Variants in PCDHA4 observed in about 807,000 individuals in gnomAD.
PCDHA4 encodes protocadherin alpha-4.
PCDHA4 carries 49 observed loss-of-function variants against 61.4 expected under a neutral mutation model. The observed-to-expected ratio is 0.80, with a 90% CI of 0.63 to 1.01. The LOEUF (loss-of-function observed/expected upper bound fraction) is 1.01, where lower values mean the gene tolerates loss of function less well. PCDHA4 is among the 50% of genes least tolerant of loss of function. The pLI is 0.00. For missense variants in PCDHA4, 1,254 were observed against 1,235.8 expected (o/e 1.01, Z -0.22); for synonymous variants, 590 against 550.3 (o/e 1.07, Z -1.01).
intron 1 of PCDHA4, among the ~76,000 whole-genome samples, chr5:140,941,231 C>CTTTCTTTCTTTCTT (rs1563186950): frequency 5.1e-5 from 7 of 136,876 alleles, no homozygotes; most frequent in East Asian, 2.1e-4. Context: ...TTCTTTCTTT[C>CTTTCTTTCTTTCTT]TTTCTTTCTT....
intron 1 of PCDHA4, chr5:140,836,726 C>A (rs1326875671): frequency 1.9e-6 from 3 of 1,610,534 alleles, no homozygotes; most frequent in Non-Finnish European, 2.5e-6. Context: ...AGGGTCCATC[C>A]TCTACAGACA....
chr5:140,852,598 AT>A, intron 1 of PCDHA4: 1 of 898,436 alleles, frequency 1.1e-6, no homozygotes, highest in Non-Finnish European at 1.3e-6. Context: ...TTTTTTTGTC[AT>A]TTTCTTTCAA....
intron 1 of PCDHA4, chr5:140,870,429 G>T (rs1198109995): frequency 6.2e-7 from 1 of 1,614,238 alleles, no homozygotes; most frequent in African/African-American, 1.3e-5. Flanking sequence ...GGGTATCCGT[G>T]GAGGTGGCCG....
At chr5:140,843,154 G>T in intron 1 of PCDHA4, 3 of 1,596,128 alleles carry the variant, frequency 1.9e-6, no homozygotes, top group Non-Finnish European at 2.6e-6. Context: ...CGTATGAGCT[G>T]CAGCCAGCTG....
intron 1 of PCDHA4, among the ~76,000 whole-genome samples, chr5:140,933,690 T>A (rs1382967033): frequency 1.3e-5 from 2 of 152,048 alleles, no homozygotes; most frequent in Non-Finnish European, 2.9e-5. Flanking sequence ...TTTTTCCTAT[T>A]CCTCGGACAC....
chr5:140,978,845 T>C, intron 1 of PCDHA4, 104 bp from the exon 2 acceptor site: 7 of 1,569,708 alleles, frequency 4.5e-6, no homozygotes, highest in Non-Finnish European at 6.1e-6. Flanking sequence ...AATACTTTTT[T>C]AGATGCCTGG....
chr5:140,854,108 AC>A lies in PCDHA4; in HGVS notation c.2385+44537del, dbSNP rs1233972098. The A allele has an allele frequency of 1.0e-4, 31 of 299,428 alleles. 3 individuals are homozygous for A. Among genetic ancestry groups the A allele is most frequent in the Non-Finnish European group, 1.4e-4 (30 of 208,480 alleles). The allele number at this position is 299,428 out of a possible 1,614,324, so 18.5% of individuals were successfully genotyped here. A position where few individuals can be genotyped will look rare whatever the true frequency, so the allele number is the denominator to read the frequency against. On this transcript the variant is annotated intron_variant, in intron 1 of 3. Transcript: ENST00000530339. ...GCCTGGGACATTGAGGCTGCAGTGA[AC>A]TGTGATGGCACAACTGCATTTCAGC...
rs139165612 is a variant in PCDHA4 at position 140,875,715 on chromosome 5, T to C, written c.2385+66143T>C. On this transcript the variant is annotated intron_variant, in intron 1 of 3. Coordinates refer to ENST00000530339, the MANE Select transcript of PCDHA4 (RefSeq NM_018907.4). Reference sequence around the variant, plus strand: ...ACCTTCTGGAGGTAAATCTGCAGAATGGCATTTTGTTTGTGAATTCTCGGA... The same window carrying C: ...ACCTTCTGGAGGTAAATCTGCAGAACGGCATTTTGTTTGTGAATTCTCGGA... 205 of 1,614,134 alleles carry C rather than the reference T, an allele frequency of 1.3e-4. 1 individual carries two copies. The African/African-American group carries it at 2.2e-3, about 17-fold the overall frequency.
intron 1 of PCDHA4, among the ~76,000 whole-genome samples, chr5:140,902,579 A>G (rs2069572489): frequency 6.6e-6 from 1 of 152,078 alleles, no homozygotes. Flanking sequence ...TAAGATTTCA[A>G]TAGTTTTGGG....
chr5:140,916,819 C>T (rs2077741305), intron 1 of PCDHA4, among the ~76,000 whole-genome samples: 1 of 152,084 alleles, frequency 6.6e-6, no homozygotes, highest in Non-Finnish European at 1.5e-5. Context: ...CATGTGCCAC[C>T]CCTATCCCTC....
rs181578390 is a variant in PCDHA4, at chr5:140,923,666, G to A, written c.2386-55283G>A. Among the ~76,000 whole-genome samples, 434 of 152,230 alleles carry A rather than the reference G, an allele frequency of 2.9e-3. 2 individuals are homozygous for A. Among genetic ancestry groups the A allele is most frequent in the Middle Eastern group, 0.014 (4 of 294 alleles). On this transcript the variant is annotated intron_variant, in intron 1 of 3. Coordinates refer to ENST00000530339, the MANE Select transcript of PCDHA4 (RefSeq NM_018907.4). ...TAGCCTCCCTTATCTTTGGGATATC[G>A]TTCTCTCTTAAATGTTGCTTTCTCA...
At position 140,851,173 on chromosome 5, in the gene PCDHA4, A is replaced by C. The variant is rs1392883501; in HGVS notation, c.2385+41601A>C. Reference sequence around the variant, plus strand: ...ATTTCTGATGCTATGCTGCCATAACACTTGAAAACCAATTTAGTTGTTAGT... The same window carrying C: ...ATTTCTGATGCTATGCTGCCATAACCCTTGAAAACCAATTTAGTTGTTAGT... On this transcript the variant is annotated intron_variant, in intron 1 of 3. Coordinates refer to ENST00000530339, the MANE Select transcript of PCDHA4 (RefSeq NM_018907.4). The C allele has an allele frequency of 5.1e-5, 64 of 1,267,254 alleles. 8 individuals carry two copies. The highest frequency in any genetic ancestry group is 6.0e-5 in the Non-Finnish European group (59 of 985,446). 78.5% of individuals were successfully genotyped at this position (1,267,254 alleles called of 1,614,324 possible).
rs1478499072 is a variant in PCDHA4 at position 140,882,356 on chromosome 5, C to T, written c.2385+72784C>T. 4 of 1,614,070 alleles carry T rather than the reference C, an allele frequency of 2.5e-6. No individual in the cohort carries two copies. The Admixed American group carries it at 5.0e-5, about 20-fold the overall frequency. On this transcript the variant is annotated intron_variant, in intron 1 of 3. Coordinates refer to ENST00000530339, the MANE Select transcript of PCDHA4 (RefSeq NM_018907.4). ...CGCAGCCTGGGAGACGGGTAGTGGC[C>T]AGCTCCACTACTCCGTCCCCGAGGA... is the stretch of plus-strand genomic sequence containing the variant.
At chr5:141,003,324 C>T (rs909788744) in intron 3 of PCDHA4, among the ~76,000 whole-genome samples, 4 of 152,132 alleles carry the variant, frequency 2.6e-5, no homozygotes, top group African/African-American at 9.7e-5. Flanking sequence ...TTCCAGAGGG[C>T]AGGGTTTTTT....
chr5:140,964,596 G>A (rs1368654948), intron 1 of PCDHA4, among the ~76,000 whole-genome samples: 2 of 152,104 alleles, frequency 1.3e-5, no homozygotes, highest in African/African-American at 4.8e-5. Flanking sequence ...CACTTTTCAT[G>A]ACAACTTACA....
intron 1 of PCDHA4, chr5:140,875,283 CAG>C: frequency 7.3e-7 from 1 of 1,362,464 alleles, no homozygotes; most frequent in Non-Finnish European, 9.6e-7. Flanking sequence ...GAAGGTGAAA[CAG>C]GAAAATTTTT....
chr5:140,946,199 A>G (rs1300104764), intron 1 of PCDHA4, among the ~76,000 whole-genome samples: 10 of 151,964 alleles, frequency 6.6e-5, no homozygotes, highest in Admixed American at 5.2e-4. Context: ...CTCAAAAGAA[A>G]GCACACAAAT....
chr5:140,840,505 T>G (rs1776737088), intron 1 of PCDHA4, among the ~76,000 whole-genome samples: 1 of 152,026 alleles, frequency 6.6e-6, no homozygotes, highest in African/African-American at 2.4e-5. Flanking sequence ...AATACTCACT[T>G]TTTGGAGCAG....
At chr5:140,908,049 G>A (rs563362239) in intron 1 of PCDHA4, among the ~76,000 whole-genome samples, 19 of 152,210 alleles carry the variant, frequency 1.2e-4, no homozygotes, top group Admixed American at 1.0e-3. Flanking sequence ...TTGCACATCC[G>A]GCCATTTCTC....
Sources: allele counts gnomAD v4.1 joint callset (sites outside exome capture counted in the v4.1 genomes callset), GRCh38; gene constraint gnomAD v4.1.1; transcripts MANE v1.5; gene names NCBI Gene and HGNC (gene_info 2026-07-23, HGNC 2026-07-21).